The following SRRM3 variants were observed in gnomAD, a reference collection of about 807,000 sequenced individuals.
SRRM3 encodes serine/arginine repetitive matrix 3, also known as serine/arginine repetitive matrix protein 3.
Under a neutral mutation model 66.2 loss-of-function variants are expected in SRRM3, and 27 were observed. The observed-to-expected ratio is 0.41, with a 90% CI of 0.30 to 0.56. SRRM3 has a LOEUF of 0.56. Among genes scored for constraint, SRRM3 ranks in the 20% least tolerant of loss-of-function variants. SRRM3 has a pLI of 0.32. For missense variants in SRRM3, 918 were observed against 991.9 expected, an observed-to-expected ratio of 0.93 and a Z score of 1.00; for synonymous variants, 391 against 414.9, an observed-to-expected ratio of 0.94 and a Z score of 0.70.
chr7:76,214,285 C>T (rs10226745), intron 1 of SRRM3, among the ~76,000 whole-genome samples: 14,553 of 152,032 alleles, frequency 0.096, 741 homozygotes, highest in South Asian at 0.15. Context: ...ACTCCCGATC[C>T]GACATTAAGG....
At chr7:76,219,460 C>T (rs538546513) in intron 1 of SRRM3, among the ~76,000 whole-genome samples, 54 of 152,324 alleles carry the variant, frequency 3.5e-4, no homozygotes, top group Non-Finnish European at 6.3e-4. Flanking sequence ...AGCCCCCAGC[C>T]GGCTTTCTCT....
At chr7:76,261,708 C>A in intron 8 of SRRM3, 127 bp downstream of exon 8, 1 of 1,069,422 alleles carries the variant, frequency 9.4e-7, no homozygotes, top group African/African-American at 1.6e-5. Context: ...GGTTCCTTCC[C>A]ACAGCCAGGC....
chr7:76,211,390 G>T (rs1800427113), intron 1 of SRRM3, among the ~76,000 whole-genome samples: 1 of 141,594 alleles, frequency 7.1e-6, no homozygotes. Flanking sequence ...GAAAGCCCGG[G>T]TTGGAGACAG....
At chr7:76,234,194 AGTGTGTGT>A (rs58369922) in intron 1 of SRRM3, among the ~76,000 whole-genome samples, 1 of 141,078 alleles carries the variant, frequency 7.1e-6, no homozygotes, top group Admixed American at 7.2e-5. Context: ...AAGTCCTTGG[AGTGTGTGT>A]GTGTGTGTGT....
intron 10 of SRRM3, 150 bp from the exon 11 acceptor site, chr7:76,267,108 C>G: frequency 1.4e-6 from 1 of 726,272 alleles, no homozygotes; most frequent in Non-Finnish European, 2.0e-6. Flanking sequence ...CAAGCCCTCT[C>G]TAAGTGGAAA....
In SRRM3 at chr7:76,259,952, G is replaced by C. The variant is rs1049900770; in HGVS notation, c.382G>C (p.Glu128Gln). Residue 128 changes from glutamate (E) to glutamine (Q), a missense_variant, in exon 4 of 15, where the codon GAG becomes CAG. By Grantham distance (29) the Glu-to-Gln change is conservative. Transcript: ENST00000611745. ...GACCGAGGGCGCTGAGCCGGGCCTG[G>C]AGTACGCGCCCTTTGACGATGACGA... ...RLTEGAEPGL[E>Q]YAPFDDDDGP... 8.7e-6 allele frequency: 14 copies of C among 1,601,832 alleles called. No individual in the cohort carries two copies. Among genetic ancestry groups the C allele is most frequent in the Non-Finnish European group, 1.2e-5 (14 of 1,179,486 alleles).
intron 9 of SRRM3, 97 bp downstream of exon 9, chr7:76,264,912 A>G (rs1801970394): frequency 7.5e-7 from 1 of 1,341,584 alleles, no homozygotes; most frequent in African/African-American, 1.5e-5. Context: ...CATTAAAGGT[A>G]GCTCATTTTG....
At chr7:76,282,585 T>G (rs1283314573) in intron 12 of SRRM3, 63 bp from the exon 13 acceptor site, 43 of 103,056 alleles carry the variant, frequency 4.2e-4, no homozygotes, top group South Asian at 5.2e-4. Flanking sequence ...CAGGGAACCC[T>G]CCCCGCCCCC....
chr7:76,251,606 C>A (rs1563626064), intron 3 of SRRM3, among the ~76,000 whole-genome samples: 2 of 152,004 alleles, frequency 1.3e-5, no homozygotes, highest in Non-Finnish European at 2.9e-5. Context: ...GATCTCCTGA[C>A]CTTGTGATCC....
chr7:76,228,617 A>G (rs1800938273), intron 1 of SRRM3, among the ~76,000 whole-genome samples: 1 of 152,058 alleles, frequency 6.6e-6, no homozygotes, highest in South Asian at 2.1e-4. Flanking sequence ...CCAGCTACTC[A>G]GGAGGCTAAG....
chr7:76,276,485 C>T (rs971687203), intron 11 of SRRM3, among the ~76,000 whole-genome samples: 34 of 152,192 alleles, frequency 2.2e-4, no homozygotes, highest in Admixed American at 2.2e-3. Flanking sequence ...CATAGAGGAG[C>T]GGACGTGATG....
At chr7:76,219,642 C>A (rs541103643) in intron 1 of SRRM3, among the ~76,000 whole-genome samples, 1 of 152,300 alleles carries the variant, frequency 6.6e-6, no homozygotes, top group Admixed American at 6.5e-5. Context: ...GGTGCGGTGG[C>A]TCACACCTGT....
intron 1 of SRRM3, among the ~76,000 whole-genome samples, chr7:76,223,696 A>G (rs1800778639): frequency 6.6e-6 from 1 of 151,964 alleles, no homozygotes; most frequent in Non-Finnish European, 1.5e-5. Context: ...TTTTCTCTGG[A>G]AGGTCTCATC....
At chr7:76,216,691 C>T (rs1049331756) in intron 1 of SRRM3, among the ~76,000 whole-genome samples, 42 of 152,222 alleles carry the variant, frequency 2.8e-4, no homozygotes, top group African/African-American at 9.9e-4. Context: ...GGAGAGGTTC[C>T]CAGGTTGGTG....
At chr7:76,232,116 A>G (rs1013982995) in intron 1 of SRRM3, among the ~76,000 whole-genome samples, 2 of 152,192 alleles carry the variant, frequency 1.3e-5, no homozygotes, top group African/African-American at 4.8e-5. Flanking sequence ...GTCTTTGTTC[A>G]GCCCCGGGCG....
At chr7:76,252,893 G>T (rs1474150322) in intron 3 of SRRM3, among the ~76,000 whole-genome samples, 4 of 152,084 alleles carry the variant, frequency 2.6e-5, no homozygotes, top group African/African-American at 7.2e-5. Flanking sequence ...GCCAGGCGCG[G>T]TGGCTCACGC....
At chr7:76,261,331 C>T in intron 6 of SRRM3, 21 bp from the exon 7 acceptor site, 5 of 844,554 alleles carry the variant, frequency 5.9e-6, no homozygotes, top group Non-Finnish European at 6.9e-6. Context: ...CTCACTAGAG[C>T]CCACCTCCCT....
chr7:76,233,402 A>T (rs1345613913), intron 1 of SRRM3, among the ~76,000 whole-genome samples: 3 of 152,206 alleles, frequency 2.0e-5, no homozygotes, highest in Non-Finnish European at 2.9e-5. Context: ...TCCAAGCTCC[A>T]CACATGTCCC....
chr7:76,210,998 G>C (rs1296458455), intron 1 of SRRM3, among the ~76,000 whole-genome samples: 1 of 152,158 alleles, frequency 6.6e-6, no homozygotes, highest in Non-Finnish European at 1.5e-5. Context: ...ATTTTTAGTA[G>C]AGACAGGGTT....
Sources: allele counts gnomAD v4.1 joint callset (sites outside exome capture counted in the v4.1 genomes callset), GRCh38; gene constraint gnomAD v4.1.1; transcripts MANE v1.5; gene names NCBI Gene and HGNC (gene_info 2026-07-23, HGNC 2026-07-21).